CALCOCO2: variants seen among roughly 807,000 people sequenced by gnomAD.
CALCOCO2 encodes the protein calcium binding and coiled-coil domain 2, also known as calcium-binding and coiled-coil domain-containing protein 2.
Under a neutral mutation model 62.5 loss-of-function variants are expected in CALCOCO2, and 42 were observed. The observed-to-expected ratio is 0.67, with a 90% CI of 0.53 to 0.87. The LOEUF (loss-of-function observed/expected upper bound fraction) is 0.87, where lower values mean the gene tolerates loss of function less well. CALCOCO2 is among the 40% of genes least tolerant of loss of function. The probability of loss-of-function intolerance (pLI) is 0.00; values close to 1 mark genes in which losing one functional copy is unlikely to be tolerated. For missense variants in CALCOCO2, 456 were observed against 515.0 expected, an observed-to-expected ratio of 0.89 and a Z score of 1.11; for synonymous variants, 167 against 173.0, an observed-to-expected ratio of 0.97 and a Z score of 0.27.
At chr17:48,855,195 G>T (rs577792346) in intron 9 of CALCOCO2, among the ~76,000 whole-genome samples, 1 of 152,286 alleles carries the variant, frequency 6.6e-6, no homozygotes, top group South Asian at 2.1e-4. Context: ...ACAGGTCTCA[G>T]GGAAGGTTTT....
chr17:48,851,707 A>G, intron 7 of CALCOCO2, 79 bp downstream of exon 7: 1 of 830,830 alleles, frequency 1.2e-6, no homozygotes, highest in Non-Finnish European at 2.1e-6. Flanking sequence ...AGAAAGATGT[A>G]TTTCATTGCA....
intron 1 of CALCOCO2, among the ~76,000 whole-genome samples, chr17:48,833,251 G>A (rs1322281219): frequency 2.0e-5 from 3 of 152,118 alleles, no homozygotes; most frequent in Non-Finnish European, 2.9e-5. Context: ...ATTGCTAATC[G>A]TTTAGAAAGA....
chr17:48,862,362 C>T, intron 12 of CALCOCO2, 58 bp downstream of exon 12: 1 of 1,165,528 alleles, frequency 8.6e-7, no homozygotes, highest in Admixed American at 1.7e-5. Context: ...TCCCTTCCTG[C>T]TCCAGTTCAT....
At chr17:48,862,590 A>G (rs1426099100) in intron 12 of CALCOCO2, among the ~76,000 whole-genome samples, 3 of 152,242 alleles carry the variant, frequency 2.0e-5, no homozygotes, top group African/African-American at 4.8e-5. Flanking sequence ...GTTCTGTCCA[A>G]TGCCCCTTCA....
Position 48,849,283 on chromosome 17 carries a change from A to G in CALCOCO2, c.449A>G (p.Lys150Arg), listed in dbSNP as rs763457715. The G allele has an allele frequency of 1.3e-5, 21 of 1,613,740 alleles. No individual in the cohort carries two copies. The highest frequency in any genetic ancestry group is 1.2e-4 in the Admixed American group (7 of 59,990). Residue 150 changes from lysine (K) to arginine (R), a missense_variant, in exon 5 of 13, where the codon AAG (lysine) becomes AGG (arginine). Physicochemically the swap from Lys to Arg is conservative, Grantham distance 26. Around this residue, in one of 3 missense-constraint regions of CALCOCO2, gnomAD observed 236 missense variants for 225.3 expected, o/e 1.05. Transcript: ENST00000258947. ...GTGGAAGAGATTGAGCAGCACAACA[A>G]GGAGCTTTGCAAAGAAAACCAGGAG... ...GEVEEIEQHNKELCKENQELK... is the reference protein window; with the variant it reads ...GEVEEIEQHNRELCKENQELK...
chr17:48,854,378 T>TTTTTTATATATATATATA (rs1489635512), intron 9 of CALCOCO2, among the ~76,000 whole-genome samples: 2 of 12,160 alleles, frequency 1.6e-4, no homozygotes, highest in African/African-American at 3.1e-4. Flanking sequence ...TGGTTTTCTT[T>TTTTTTATATATATATATA]TATTTATATA....
intron 11 of CALCOCO2, 71 bp downstream of exon 11, chr17:48,860,520 C>T: frequency 1.4e-6 from 2 of 1,433,744 alleles, no homozygotes; most frequent in South Asian, 2.4e-5. Flanking sequence ...ATTTTTGTTT[C>T]TGAGGTGCTA....
intron 2 of CALCOCO2, chr17:48,847,722 C>G (rs2040071446): frequency 5.8e-6 from 1 of 173,252 alleles, no homozygotes; most frequent in Non-Finnish European, 1.2e-5. Flanking sequence ...GTGGTGCAAT[C>G]TCGGCTCACT....
chr17:48,860,972 A>G lies in CALCOCO2; in HGVS notation c.1144+523A>G, dbSNP rs371503338. Reference sequence around the variant, plus strand: ...CTTTTCTCATTTGTCTCCAAAAGCAATATGAGATCTCATTTACTTTTTGGG... The same window carrying G: ...CTTTTCTCATTTGTCTCCAAAAGCAGTATGAGATCTCATTTACTTTTTGGG... On this transcript the variant is annotated intron_variant, in intron 11 of 12. Coordinates refer to ENST00000258947, the MANE Select transcript of CALCOCO2 (RefSeq NM_005831.5). Among the ~76,000 whole-genome samples the G allele has an allele frequency of 4.6e-5, 7 of 152,328 alleles. No individual in the cohort carries two copies. In the East Asian group the frequency reaches 1.2e-3, roughly 25 times the overall value.
chr17:48,863,235 A>G lies in CALCOCO2; in HGVS notation c.*230A>G, dbSNP rs1420065727. ...TAAGTCGCATAACTCTAGCTGTATCATCCTCTCACCTGTCATTCTTCTGAG... is the reference window on the plus strand; with the variant it reads ...TAAGTCGCATAACTCTAGCTGTATCGTCCTCTCACCTGTCATTCTTCTGAG... On this transcript the variant is annotated 3_prime_UTR_variant, in exon 13 of 13. Coordinates refer to ENST00000258947, the MANE Select transcript of CALCOCO2 (RefSeq NM_005831.5). 1 of 475,060 alleles carries G rather than the reference A, an allele frequency of 2.1e-6. No homozygotes were observed. Among genetic ancestry groups the G allele is most frequent in the Non-Finnish European group, 3.9e-6 (1 of 257,816 alleles). 29.4% of individuals were successfully genotyped at this position (475,060 alleles called of 1,614,324 possible). A position where few individuals can be genotyped will look rare whatever the true frequency, so the allele number is the denominator to read the frequency against.
intron 1 of CALCOCO2, among the ~76,000 whole-genome samples, chr17:48,838,401 G>A (rs1293552626): frequency 6.6e-6 from 1 of 151,280 alleles, no homozygotes; most frequent in Non-Finnish European, 1.5e-5. Context: ...TTTTTTCTTT[G>A]GAGACAGAAA....
chr17:48,853,302 T>A (rs1251424751), intron 9 of CALCOCO2: 1 of 265,516 alleles, frequency 3.8e-6, no homozygotes, highest in Non-Finnish European at 7.4e-6. Context: ...CCCTACCCTC[T>A]TCTTACAGAG....
chr17:48,834,550 C>T (rs1349433122), intron 1 of CALCOCO2, among the ~76,000 whole-genome samples: 1 of 152,210 alleles, frequency 6.6e-6, no homozygotes, highest in Non-Finnish European at 1.5e-5. Context: ...TAAAATACCA[C>T]TTTATAATTT....
At chr17:48,834,106 CAAAAAAAAAAA>C (rs59633969) in intron 1 of CALCOCO2, among the ~76,000 whole-genome samples, 7 of 69,816 alleles carry the variant, frequency 1.0e-4, no homozygotes, top group East Asian at 5.2e-4. Flanking sequence ...GACCCTATGT[CAAAAAAAAAAA>C]AAAAAAAAAA....
chr17:48,847,986 T>TG (rs2040075215), intron 2 of CALCOCO2, 78 bp from the exon 3 acceptor site: 1 of 784,274 alleles, frequency 1.3e-6, no homozygotes, highest in Non-Finnish European at 2.2e-6. Flanking sequence ...TAAAAAGTGA[T>TG]TTTAAGAAGA....
chr17:48,839,178 T>G (rs1387503588), intron 1 of CALCOCO2, among the ~76,000 whole-genome samples: 1 of 151,196 alleles, frequency 6.6e-6, no homozygotes, highest in African/African-American at 2.4e-5. Flanking sequence ...CGGCTAATTT[T>G]TTGTGTTTTT....
At position 48,848,079 on chromosome 17, in the gene CALCOCO2, A is replaced by G. The variant is rs1277390159; in HGVS notation, c.196A>G (p.Thr66Ala). The G allele has an allele frequency of 1.2e-6, 2 of 1,609,776 alleles. No homozygotes were observed. Among genetic ancestry groups the G allele is most frequent in the Non-Finnish European group, 1.7e-6 (2 of 1,176,336 alleles). Residue 66 changes from threonine to alanine, a missense_variant, in exon 3 of 13, where the codon ACC becomes GCC. Physicochemically the swap from Thr to Ala is moderately conservative, Grantham distance 58 (BLOSUM62 0). Transcript: ENST00000258947. ...IGIFRVGWKT[T>A]REYYTFMWVT... ...GTCATTGCAGGTGGGGTGGAAGACA[A>G]CCCGTGAGTATTACACCTTCATGTG...
rs1403239894 is a variant in CALCOCO2, at chr17:48,852,993, A to C, written c.893A>C (p.Lys298Thr). ...QMKQNETTAM[K>T]KQQELMDENF... ...AAGCAGAATGAAACTACTGCAATGA[A>C]GAAACAACAGGAATTAATGGCATGT... Residue 298 changes from lysine to threonine, a missense_variant, in exon 9 of 13, where the codon AAG becomes ACG. This residue lies in a region of CALCOCO2 where 172 missense variants were observed against 210.3 expected (regional missense o/e 0.82). Coordinates refer to ENST00000258947, the MANE Select transcript of CALCOCO2 (RefSeq NM_005831.5). The C allele has an allele frequency of 6.2e-7, 1 of 1,611,972 alleles. No individual in the cohort carries two copies. The highest frequency in any genetic ancestry group is 8.5e-7 in the Non-Finnish European group (1 of 1,178,006).
chr17:48,858,039 GAAT>G (rs1567759394), intron 10 of CALCOCO2, among the ~76,000 whole-genome samples: 2 of 21,620 alleles, frequency 9.3e-5, no homozygotes, highest in Non-Finnish European at 1.5e-4. Context: ...GAATAGAATA[GAAT>G]AGAAAATAGA....
Sources: gnomAD v4.1 joint callset for allele counts (sites outside exome capture counted in the v4.1 genomes callset) on GRCh38, gnomAD v4.1.1 for gene constraint, gnomAD v4.1.1 regional missense constraint, MANE v1.5 for transcripts, NCBI Gene and HGNC (gene_info 2026-07-23, HGNC 2026-07-21) for gene names.